Variants in PCDH15 observed in about 807,000 individuals in gnomAD.
PCDH15 encodes the protein protocadherin related 15.
PCDH15 carries 129 observed loss-of-function variants against 178.5 expected under a neutral mutation model. That is an observed-to-expected ratio of 0.72 (90% CI 0.63 to 0.84). PCDH15 has a LOEUF of 0.84. Among genes scored for constraint, PCDH15 ranks in the 40% least tolerant of loss-of-function variants. PCDH15 has a pLI of 0.00. For missense variants in PCDH15, 2,230 were observed against 2,099.9 expected, an observed-to-expected ratio of 1.06 and a Z score of -1.21; for synonymous variants, 800 against 732.0, an observed-to-expected ratio of 1.09 and a Z score of -1.50.
chr10:55,006,663 C>T (rs1041770867), intron 2 of PCDH15, among the ~76,000 whole-genome samples: 18 of 152,114 alleles, frequency 1.2e-4, no homozygotes, highest in African/African-American at 4.1e-4. Context: ...AGGGGCTGAA[C>T]CCTGCAAAGC....
intron 1 of PCDH15, among the ~76,000 whole-genome samples, chr10:54,785,366 C>T (rs1367831564): frequency 6.6e-6 from 1 of 151,946 alleles, no homozygotes; most frequent in Non-Finnish European, 1.5e-5. Flanking sequence ...ACAATCCCCT[C>T]CTCCTTTCTT....
intron 2 of PCDH15, among the ~76,000 whole-genome samples, chr10:55,403,007 T>C (rs1416699951): frequency 6.6e-6 from 1 of 151,926 alleles, no homozygotes; most frequent in African/African-American, 2.4e-5. Context: ...TTGATAATTG[T>C]CACTCTAACT....
intron 2 of PCDH15, among the ~76,000 whole-genome samples, chr10:55,535,095 T>C (rs1245483191): frequency 1.3e-5 from 2 of 152,018 alleles, no homozygotes; most frequent in African/African-American, 2.4e-5. Context: ...AAACTACCTA[T>C]TGGGTACTCT....
At chr10:55,550,087 T>C (rs949999751) in intron 2 of PCDH15, among the ~76,000 whole-genome samples, 9 of 152,182 alleles carry the variant, frequency 5.9e-5, no homozygotes, top group African/African-American at 1.7e-4. Context: ...TCTTGTTTTA[T>C]ACATGTCAAT....
intron 2 of PCDH15, among the ~76,000 whole-genome samples, chr10:55,150,123 G>A (rs1217183641): frequency 6.6e-6 from 1 of 151,832 alleles, no homozygotes; most frequent in Admixed American, 6.6e-5. Flanking sequence ...GAAGAGAAGA[G>A]GAGAGAAGAC....
At chr10:54,539,588 G>T (rs377443345) in intron 2 of PCDH15, among the ~76,000 whole-genome samples, 2 of 152,092 alleles carry the variant, frequency 1.3e-5, no homozygotes, top group African/African-American at 2.4e-5. Context: ...GAAAACTTCC[G>T]CAGAAATTCT....
intron 26 of PCDH15, among the ~76,000 whole-genome samples, chr10:53,883,082 A>G (rs1164143801): frequency 6.6e-6 from 1 of 152,176 alleles, no homozygotes; most frequent in African/African-American, 2.4e-5. Flanking sequence ...CATATAGGAT[A>G]TTATGATCCT....
chr10:55,197,060 C>G (rs1182492472), intron 1 of PCDH15, among the ~76,000 whole-genome samples: 1 of 151,862 alleles, frequency 6.6e-6, no homozygotes, highest in Non-Finnish European at 1.5e-5. Context: ...CTTCTTTTTA[C>G]TAGGTGAGCC....
intron 2 of PCDH15, among the ~76,000 whole-genome samples, chr10:54,651,624 A>C (rs1336783709): frequency 6.6e-6 from 1 of 152,182 alleles, no homozygotes; most frequent in Non-Finnish European, 1.5e-5. Context: ...CACTCCACCT[A>C]GTCACTCAAA....
chr10:53,912,195 C>A (rs2133784493), intron 25 of PCDH15, among the ~76,000 whole-genome samples: 1 of 152,248 alleles, frequency 6.6e-6, no homozygotes, highest in African/African-American at 2.4e-5. Flanking sequence ...ACAACAAAAA[C>A]CACATGATTA....
intron 28 of PCDH15, among the ~76,000 whole-genome samples, chr10:53,841,377 A>C (rs2077633994): frequency 6.6e-6 from 1 of 152,144 alleles, no homozygotes. Context: ...CTATATTTTG[A>C]GGTTTTTTTA....
chr10:54,578,585 G>T (rs933520625), intron 2 of PCDH15, among the ~76,000 whole-genome samples: 2 of 151,996 alleles, frequency 1.3e-5, no homozygotes, highest in Non-Finnish European at 2.9e-5. Flanking sequence ...TCAGTTAGCT[G>T]GTGTCAGTTT....
intron 25 of PCDH15, among the ~76,000 whole-genome samples, chr10:53,905,730 C>T (rs1564735432): frequency 1.3e-5 from 2 of 152,200 alleles, no homozygotes; most frequent in Non-Finnish European, 2.9e-5. Flanking sequence ...CAAATTGTTC[C>T]TATGAAAGCT....
intron 2 of PCDH15, among the ~76,000 whole-genome samples, chr10:55,605,485 CA>C (rs1479787169): frequency 1.3e-5 from 2 of 150,304 alleles, no homozygotes; most frequent in Non-Finnish European, 3.0e-5. Flanking sequence ...AACATTGATG[CA>C]AAAATCCTCA....
rs550305928 is a variant in PCDH15, at chr10:54,866,328, G to A, written c.-29+31122C>T. Among the ~76,000 whole-genome samples the A allele has an allele frequency of 1.5e-3, 234 of 152,218 alleles. 1 individual carries two copies. Among genetic ancestry groups the A allele is most frequent in the African/African-American group, 5.4e-3 (225 of 41,556 alleles). The stretch of plus-strand genomic sequence containing the variant: ...TTTTGCTAATGAACAGTTCAGGATT[G>A]TAAATATGGCCCATTTTTGGAGAAT... On this transcript the variant is annotated intron_variant, in intron 3 of 5. Coordinates refer to the PCDH15 transcript ENST00000458638.
chr10:55,146,045 T>C (rs1263236412), intron 2 of PCDH15, among the ~76,000 whole-genome samples: 3 of 152,010 alleles, frequency 2.0e-5, no homozygotes, highest in Non-Finnish European at 4.4e-5. Flanking sequence ...TCAGCTTTTT[T>C]TCTGTATAAT....
chr10:54,552,082 A>G (rs2086679740), intron 2 of PCDH15, among the ~76,000 whole-genome samples: 1 of 152,130 alleles, frequency 6.6e-6, no homozygotes, highest in South Asian at 2.1e-4. Context: ...TTTCACACCT[A>G]TAATTATCTC....
At chr10:53,918,945 GTCTTT>G (rs1457813816) in intron 25 of PCDH15, among the ~76,000 whole-genome samples, 1 of 152,108 alleles carries the variant, frequency 6.6e-6, no homozygotes, top group African/African-American at 2.4e-5. Flanking sequence ...CTGTTTCCTT[GTCTTT>G]TCTAGCTTCT....
At chr10:54,229,429 T>G (rs1034356647) in intron 9 of PCDH15, among the ~76,000 whole-genome samples, 3 of 152,200 alleles carry the variant, frequency 2.0e-5, no homozygotes, top group Non-Finnish European at 4.4e-5. Context: ...AAGTTATGTA[T>G]TCATTATAAA....
Sources: gnomAD v4.1 joint callset for allele counts (sites outside exome capture counted in the v4.1 genomes callset) on GRCh38, gnomAD v4.1.1 for gene constraint, MANE v1.5 for transcripts, NCBI Gene and HGNC (gene_info 2026-07-23, HGNC 2026-07-21) for gene names.